Variants in PDE8B observed in about 807,000 individuals in gnomAD.
PDE8B encodes the protein phosphodiesterase 8B.
Under a neutral mutation model 101.3 loss-of-function variants are expected in PDE8B, and 26 were observed. That is an observed-to-expected ratio of 0.26 (90% confidence interval 0.19 to 0.36). PDE8B has a LOEUF of 0.36. Among genes scored for constraint, PDE8B ranks in the 10% least tolerant of loss-of-function variants. PDE8B has a pLI of 1.00. For missense variants in PDE8B, 810 were observed against 1,163.1 expected (o/e 0.70, Z 4.42); for synonymous variants, 424 against 429.3 (o/e 0.99, Z 0.15).
At chr5:77,105,495 A>G in the PDE8B span, 1 of 152,336 alleles carries the variant, frequency 6.6e-6, no homozygotes, top group African/African-American at 2.4e-5. Flanking sequence ...TAGGTTAGGT[A>G]TAGTAAATGC....
the PDE8B span, among the ~76,000 whole-genome samples, chr5:77,157,385 C>G: frequency 2.2e-4 from 33 of 152,074 alleles, no homozygotes; most frequent in African/African-American, 7.5e-4. Context: ...GACAGACATC[C>G]CAGCAGGTGA....
Position 77,241,993 on chromosome 5 carries a change from C to T in PDE8B, c.339+30729C>T, listed in dbSNP as rs117136850. Among the ~76,000 whole-genome samples, 40 of 152,304 alleles carry T rather than the reference C, an allele frequency of 2.6e-4. No homozygotes were observed. In the East Asian group the frequency reaches 3.9e-3, roughly 15 times the overall value. ...TTAACTTGTCCCAACACCAAATTCA[C>T]GCAAGGTGTATGCCGATGAGCCTCC... On this transcript the variant is annotated intron_variant, in intron 1 of 21. Transcript: ENST00000264917.
intron 1 of PDE8B, among the ~76,000 whole-genome samples, chr5:77,256,459 T>G (rs1422252008): frequency 6.6e-6 from 1 of 152,240 alleles, no homozygotes; most frequent in African/African-American, 2.4e-5. Context: ...GAAAACATAA[T>G]ATTCTATATC....
intron 1 of PDE8B, among the ~76,000 whole-genome samples, chr5:77,307,033 G>A (rs1771376943): frequency 6.6e-6 from 1 of 152,140 alleles, no homozygotes; most frequent in African/African-American, 2.4e-5. Context: ...ATCTTATTAC[G>A]TTAATCCTTT....
intron 1 of PDE8B, among the ~76,000 whole-genome samples, chr5:77,267,822 G>A (rs1189353059): frequency 6.6e-6 from 1 of 152,198 alleles, no homozygotes; most frequent in Non-Finnish European, 1.5e-5. Flanking sequence ...TTGCTTACAA[G>A]AGCAGTTAGA....
chr5:77,331,284 G>A (rs565086814), intron 4 of PDE8B, 118 bp from the exon 5 acceptor site: 73 of 893,972 alleles, frequency 8.2e-5, no homozygotes, highest in South Asian at 7.9e-4. Context: ...GCACGTGCTC[G>A]TCAGGAAGCC....
upstream of PDE8B, among the ~76,000 whole-genome samples, chr5:77,207,978 A>G (rs1452739753): frequency 1.3e-5 from 2 of 152,248 alleles, no homozygotes; most frequent in Non-Finnish European, 2.9e-5. Flanking sequence ...AAGAAGTTGC[A>G]GTCAATGAAA....
chr5:77,354,577 T>C (rs1781745036), intron 10 of PDE8B, among the ~76,000 whole-genome samples: 2 of 152,208 alleles, frequency 1.3e-5, no homozygotes, highest in South Asian at 4.1e-4. Context: ...GGACACCTGG[T>C]GTCTCTTTCG....
At chr5:77,097,717 A>ATATCTATATATATATC in the PDE8B span, among the ~76,000 whole-genome samples, 1 of 41,026 alleles carries the variant, frequency 2.4e-5, no homozygotes, top group Non-Finnish European at 7.8e-5. Context: ...CTATATATAT[A>ATATCTATATATATATC]TATATATATA....
chr5:77,325,864 G>A, intron 3 of PDE8B, 135 bp downstream of exon 3: 1 of 690,516 alleles, frequency 1.4e-6, no homozygotes, highest in Non-Finnish European at 2.5e-6. Context: ...GTATACAGAT[G>A]TCTGTGGTGA....
At chr5:77,382,082 A>G (rs1056497463) in intron 10 of PDE8B, among the ~76,000 whole-genome samples, 1 of 152,234 alleles carries the variant, frequency 6.6e-6, no homozygotes. Context: ...CCGTATACTC[A>G]GTTGAACATA....
intron 1 of PDE8B, chr5:77,291,308 G>C (rs149384577): frequency 0.011 from 17,274 of 1,612,828 alleles, 149 homozygotes; most frequent in Non-Finnish European, 0.013. Flanking sequence ...TCCACACCAA[G>C]CAGGCAGTGA....
chr5:77,365,084 T>A (rs553087519), intron 10 of PDE8B, among the ~76,000 whole-genome samples: 36 of 152,262 alleles, frequency 2.4e-4, no homozygotes, highest in African/African-American at 7.5e-4. Flanking sequence ...TACCCACTGG[T>A]GCTAGGGAAC....
chr5:77,260,309 A>G (rs1409477942), intron 1 of PDE8B, among the ~76,000 whole-genome samples: 1 of 152,228 alleles, frequency 6.6e-6, no homozygotes, highest in Non-Finnish European at 1.5e-5. Context: ...AGACTGCACC[A>G]TTAAACATAT....
chr5:77,178,000 C>G, the PDE8B span, among the ~76,000 whole-genome samples: 1 of 152,256 alleles, frequency 6.6e-6, no homozygotes, highest in African/African-American at 2.4e-5. Context: ...AGAACTCAGG[C>G]TAGTGGTTTT....
chr5:77,349,128 G>T (rs373986087), intron 7 of PDE8B, among the ~76,000 whole-genome samples: 12 of 152,162 alleles, frequency 7.9e-5, no homozygotes, highest in East Asian at 3.8e-4. Flanking sequence ...CTAGATGAGG[G>T]CTTCCTGTGT....
intron 1 of PDE8B, among the ~76,000 whole-genome samples, chr5:77,243,964 A>G (rs1361917504): frequency 6.6e-6 from 1 of 151,956 alleles, no homozygotes; most frequent in Non-Finnish European, 1.5e-5. Context: ...CCACCGCTGC[A>G]TCCTTTTCTG....
the PDE8B span, among the ~76,000 whole-genome samples, chr5:77,132,912 C>T: frequency 4.6e-5 from 7 of 152,156 alleles, no homozygotes; most frequent in Non-Finnish European, 2.9e-5. Context: ...ATATGGAATT[C>T]TAGGTTTAAA....
intron 1 of PDE8B, among the ~76,000 whole-genome samples, chr5:77,293,622 G>T (rs567566541): frequency 6.6e-6 from 1 of 152,314 alleles, no homozygotes; most frequent in Admixed American, 6.5e-5. Flanking sequence ...ATCAGTGAAA[G>T]GTTTTCCCCA....
Sources: gnomAD v4.1 joint callset for allele counts (sites outside exome capture counted in the v4.1 genomes callset) on GRCh38, gnomAD v4.1.1 for gene constraint, MANE v1.5 for transcripts, NCBI Gene and HGNC (gene_info 2026-07-23, HGNC 2026-07-21) for gene names.